Variants in ZNF385D observed in about 807,000 individuals in gnomAD.
The protein encoded by ZNF385D is zinc finger protein 659.
Under a neutral mutation model 35.8 loss-of-function variants are expected in ZNF385D, and 15 were observed. The ratio of observed to expected loss-of-function variants is 0.42; its 90% CI spans 0.28 to 0.64. ZNF385D has a LOEUF of 0.64. Ranked by LOEUF, ZNF385D falls within the 30% of genes least tolerant of loss-of-function variation. The probability of loss-of-function intolerance (pLI) is 0.23; values close to 1 mark genes in which losing one functional copy is unlikely to be tolerated. For synonymous variants in ZNF385D, 212 were observed against 186.8 expected (o/e 1.13, Z -1.10); for missense variants, 474 against 494.6 (o/e 0.96, Z 0.39).
intron 3 of ZNF385D, among the ~76,000 whole-genome samples, chr3:21,941,490 C>CTT (rs531693623): frequency 0.01 from 647 of 63,642 alleles, 1 homozygote; most frequent in Non-Finnish European, 0.013. Context: ...TTCCATTACT[C>CTT]TTTTTTTTTT....
intron 3 of ZNF385D, among the ~76,000 whole-genome samples, chr3:21,927,116 C>A (rs1471547934): frequency 6.6e-6 from 1 of 151,968 alleles, no homozygotes; most frequent in Non-Finnish European, 1.5e-5. Flanking sequence ...GAATCTGACA[C>A]CTCCCTCCCC....
chr3:22,370,636 C>T (rs1696860637), intron 2 of ZNF385D, among the ~76,000 whole-genome samples: 1 of 152,140 alleles, frequency 6.6e-6, no homozygotes, highest in African/African-American at 2.4e-5. Flanking sequence ...TAACAACCGA[C>T]TTTGGAGTTC....
chr3:21,808,352 T>C (rs557975356), intron 3 of ZNF385D, among the ~76,000 whole-genome samples: 75 of 152,304 alleles, frequency 4.9e-4, no homozygotes, highest in Non-Finnish European at 9.1e-4. Context: ...CCTTCCCTCC[T>C]CCAGGAAAAC....
intron 1 of ZNF385D, among the ~76,000 whole-genome samples, chr3:21,667,469 A>G (rs1441707187): frequency 1.3e-5 from 2 of 152,090 alleles, no homozygotes; most frequent in Non-Finnish European, 2.9e-5. Context: ...GCCCTAAATT[A>G]CTTTCATTTG....
intron 3 of ZNF385D, among the ~76,000 whole-genome samples, chr3:21,886,174 T>C (rs1698537026): frequency 6.6e-6 from 1 of 152,088 alleles, no homozygotes; most frequent in Non-Finnish European, 1.5e-5. Flanking sequence ...CCTGGCCTTA[T>C]CTCAATTCTA....
intron 3 of ZNF385D, among the ~76,000 whole-genome samples, chr3:22,143,416 C>A (rs1704651874): frequency 6.6e-6 from 1 of 152,098 alleles, no homozygotes; most frequent in Non-Finnish European, 1.5e-5. Flanking sequence ...AAAATAAAGA[C>A]AACTAAATGC....
intron 3 of ZNF385D, among the ~76,000 whole-genome samples, chr3:21,892,791 C>T (rs768116450): frequency 6.6e-6 from 1 of 152,072 alleles, no homozygotes; most frequent in Non-Finnish European, 1.5e-5. Flanking sequence ...TGCAAGATAA[C>T]GCCAAGAAAT....
chr3:22,154,895 A>C (rs1705490527), intron 3 of ZNF385D, among the ~76,000 whole-genome samples: 1 of 152,190 alleles, frequency 6.6e-6, no homozygotes, highest in Admixed American at 6.5e-5. Context: ...CTTCCATGAT[A>C]TCAAAAGGAG....
chr3:22,151,339 T>G (rs995233610), intron 3 of ZNF385D, among the ~76,000 whole-genome samples: 6 of 152,096 alleles, frequency 3.9e-5, no homozygotes, highest in Non-Finnish European at 8.8e-5. Context: ...TAATGTCAGG[T>G]GGAAACCAAG....
chr3:22,185,660 G>A (rs1178220839), intron 2 of ZNF385D, among the ~76,000 whole-genome samples: 6 of 152,230 alleles, frequency 3.9e-5, no homozygotes, highest in Admixed American at 2.0e-4. Context: ...TAGAGATAGC[G>A]ATTCACCATC....
intron 3 of ZNF385D, among the ~76,000 whole-genome samples, chr3:21,525,161 G>T (rs970086912): frequency 6.6e-6 from 1 of 152,120 alleles, no homozygotes; most frequent in African/African-American, 2.4e-5. Flanking sequence ...GCTTCTAAAT[G>T]TAGGGAAACA....
intron 2 of ZNF385D, among the ~76,000 whole-genome samples, chr3:22,270,976 G>C (rs79116944): frequency 0.11 from 16,336 of 151,864 alleles, 1,190 homozygotes; most frequent in Non-Finnish European, 0.16. Flanking sequence ...TGCCTCTTGA[G>C]AGTTTTCATT....
Position 22,151,949 on chromosome 3 carries a change from T to C in ZNF385D, c.325+16868A>G, listed in dbSNP as rs916620375. 2.0e-5 allele frequency among the ~76,000 whole-genome samples: 3 copies of C among 152,156 alleles called. No individual in the cohort carries two copies. The East Asian group carries it at 5.8e-4, about 29-fold the overall frequency. On this transcript the variant is annotated intron_variant, in intron 3 of 5. Transcript: ENST00000494108. ...TTTCTTGTACAGGTTATTTAATCACTCAGGCACTAAGCCTAGTACTCAGTA... is the reference window on the plus strand; with the variant it reads ...TTTCTTGTACAGGTTATTTAATCACCCAGGCACTAAGCCTAGTACTCAGTA...
At chr3:21,677,111 A>G (rs1476079870) in intron 1 of ZNF385D, among the ~76,000 whole-genome samples, 2 of 152,128 alleles carry the variant, frequency 1.3e-5, no homozygotes, top group African/African-American at 2.4e-5. Context: ...GTTAAACACA[A>G]GGATTAAAGC....
intron 3 of ZNF385D, among the ~76,000 whole-genome samples, chr3:21,968,334 G>C (rs1026349283): frequency 1.4e-4 from 21 of 152,086 alleles, no homozygotes; most frequent in Admixed American, 2.6e-4. Flanking sequence ...CGGCAGTCTA[G>C]GCCACAAGGA....
chr3:21,800,929 G>A (rs1161787921), intron 3 of ZNF385D, among the ~76,000 whole-genome samples: 1 of 151,742 alleles, frequency 6.6e-6, no homozygotes, highest in Non-Finnish European at 1.5e-5. Flanking sequence ...CCTGATTTTA[G>A]GAAGAAAGCT....
At chr3:21,754,503 T>C (rs890245151), upstream of ZNF385D, among the ~76,000 whole-genome samples, 5 of 152,188 alleles carry the variant, frequency 3.3e-5, no homozygotes, top group African/African-American at 1.2e-4. Context: ...TAAAATATCA[T>C]GGTTGGGTGA....
chr3:22,205,231 G>A (rs1697070898), intron 2 of ZNF385D, among the ~76,000 whole-genome samples: 2 of 151,244 alleles, frequency 1.3e-5, no homozygotes, highest in African/African-American at 4.8e-5. Flanking sequence ...AAATGCCGAA[G>A]GAAAAAATAT....
At chr3:21,730,731 A>G (rs1221878778) in intron 1 of ZNF385D, among the ~76,000 whole-genome samples, 1 of 152,250 alleles carries the variant, frequency 6.6e-6, no homozygotes, top group East Asian at 1.9e-4. Flanking sequence ...TGCTTATAGT[A>G]GTGTAGCTAT....
Sources: allele counts gnomAD v4.1 joint callset (sites outside exome capture counted in the v4.1 genomes callset), GRCh38; gene constraint gnomAD v4.1.1; transcripts MANE v1.5; gene names NCBI Gene and HGNC (gene_info 2026-07-23, HGNC 2026-07-21).